The following SMYD4 variants were observed in gnomAD, a reference collection of about 807,000 sequenced individuals.
SMYD4 encodes the protein protein-lysine N-methyltransferase SMYD4.
A neutral mutation model predicts 72.8 loss-of-function variants in SMYD4; 68 were observed. The observed-to-expected ratio is 0.93, with a 90% CI of 0.77 to 1.14. The LOEUF is 1.14. Among genes scored for constraint, SMYD4 ranks in the 50% most tolerant of loss-of-function variants. SMYD4 has a pLI of 0.00. For missense variants in SMYD4, 984 were observed against 1,003.7 expected, an observed-to-expected ratio of 0.98 and a Z score of 0.27; for synonymous variants, 407 against 388.6, an observed-to-expected ratio of 1.05 and a Z score of -0.56.
At chr17:1,815,657 T>TA (rs75794837) in intron 2 of SMYD4, among the ~76,000 whole-genome samples, 7,827 of 136,674 alleles carry the variant, frequency 0.057, 300 homozygotes, top group Non-Finnish European at 0.087. Flanking sequence ...GACCCTGCCT[T>TA]AAAAAAAAAA....
intron 5 of SMYD4, among the ~76,000 whole-genome samples, chr17:1,787,858 T>C (rs773750490): frequency 5.9e-5 from 9 of 152,040 alleles, no homozygotes; most frequent in African/African-American, 1.4e-4. Context: ...CACCACGAAA[T>C]AGCCAAAGAT....
chr17:1,808,800 C>T (rs538321253), intron 3 of SMYD4, among the ~76,000 whole-genome samples: 1 of 152,136 alleles, frequency 6.6e-6, no homozygotes, highest in Non-Finnish European at 1.5e-5. Context: ...GAAAAAAGAA[C>T]TATTAAGCCA....
chr17:1,803,183 GTCC>G (rs1391300001), intron 4 of SMYD4, among the ~76,000 whole-genome samples: 1 of 152,114 alleles, frequency 6.6e-6, no homozygotes, highest in Non-Finnish European at 1.5e-5. Flanking sequence ...CACTGACAAA[GTCC>G]TCAACTTTTT....
chr17:1,784,420 T>A lies in SMYD4; in HGVS notation c.1926A>T (p.Glu642Asp). 5 of 1,614,186 alleles carry A rather than the reference T, an allele frequency of 3.1e-6. No homozygotes were observed. The highest frequency in any genetic ancestry group is 4.2e-6 in the Non-Finnish European group (5 of 1,180,038). The change falls in exon 8 of 11, where the codon GAA (glutamate) becomes GAT (aspartate). Residue 642 changes from glutamate to aspartate, a missense_variant. Glu to Asp is a conservative substitution (Grantham distance 45). Transcript: ENST00000305513. ...CCAGGTGGTCCCTGCTGACGGCGGA[T>A]TCTGCACAAGATCTGCTGCCACAGC... is the stretch of plus-strand genomic sequence containing the variant. ...VLRCGSRSCAESAVSRDHLVS... is the reference protein window; with the variant it reads ...VLRCGSRSCADSAVSRDHLVS...
rs1425070705 is a variant in SMYD4 at position 1,780,233 on chromosome 17, G to A, written c.*1053C>T. 1.3e-5 allele frequency: 2 copies of A among 151,892 alleles called. No individual in the cohort carries two copies. Among genetic ancestry groups the A allele is most frequent in the Admixed American group, 1.3e-4 (2 of 15,242 alleles). 9.4% of individuals were successfully genotyped at this position (151,892 alleles called of 1,614,324 possible). Reference sequence around the variant, plus strand: ...CAGCAACAGAACCTGTTATTTTTTTGTTGAGACAGGGTCTTACTCTGTCAC... The same window carrying A: ...CAGCAACAGAACCTGTTATTTTTTTATTGAGACAGGGTCTTACTCTGTCAC... On this transcript the variant is annotated 3_prime_UTR_variant, in exon 11 of 11. Coordinates refer to ENST00000305513, the MANE Select transcript of SMYD4 (RefSeq NM_052928.3).
Position 1,800,426 on chromosome 17 carries a change from A to G in SMYD4, c.968T>C (p.Leu323Ser). 1 of 1,614,202 alleles carries G rather than the reference A, an allele frequency of 6.2e-7. No individual in the cohort carries two copies. Among genetic ancestry groups the G allele is most frequent in the South Asian group, 1.1e-5 (1 of 91,086 alleles). ...GTGGTAGAGCTCCCAGGCCTGCTGC[A>G]AACACTCCTGGCTGCAATACTTGGC... ...SYAKYCSQEC[L>S]QQAWELYHRT... The change falls in exon 5 of 11, where the codon TTG becomes TCG. Residue 323 changes from leucine to serine, a missense_variant. Physicochemically the swap from Leu to Ser is moderately radical, Grantham distance 145 (BLOSUM62 -2). Coordinates refer to ENST00000305513, the MANE Select transcript of SMYD4 (RefSeq NM_052928.3).
chr17:1,829,492 G>A (rs936110257), intron 1 of SMYD4: 1 of 152,246 alleles, frequency 6.6e-6, no homozygotes, highest in Non-Finnish European at 1.5e-5. Flanking sequence ...TGGAGGTGGG[G>A]TTACTGACGG....
chr17:1,796,194 G>A (rs756452280), intron 5 of SMYD4, among the ~76,000 whole-genome samples: 1 of 151,300 alleles, frequency 6.6e-6, no homozygotes, highest in African/African-American at 2.4e-5. Flanking sequence ...GTGCAGTGGC[G>A]CAACTCATGT....
At chr17:1,801,637 A>G (rs949711583) in intron 4 of SMYD4, among the ~76,000 whole-genome samples, 27 of 151,140 alleles carry the variant, frequency 1.8e-4, no homozygotes, top group Non-Finnish European at 3.8e-4. Flanking sequence ...AAAAAAAAAA[A>G]AAAAAAAAAG....
intron 5 of SMYD4, among the ~76,000 whole-genome samples, chr17:1,794,037 G>GTATATATATATGTGTGTGTATATATA (rs540607649): frequency 4.1e-5 from 2 of 49,332 alleles, no homozygotes; most frequent in Non-Finnish European, 8.5e-5. Flanking sequence ...ATATATATAT[G>GTATATATATATGTGTGTGTATATATA]TATGTATATA....
intron 5 of SMYD4, among the ~76,000 whole-genome samples, chr17:1,799,067 C>T (rs67088690): frequency 0.72 from 109,109 of 151,262 alleles, 40,230 homozygotes; most frequent in Non-Finnish European, 0.79. Flanking sequence ...GTCAGGAGAT[C>T]GAGACCATGG....
chr17:1,805,839 AAT>A (rs10560052), intron 3 of SMYD4, among the ~76,000 whole-genome samples: 53,059 of 148,046 alleles, frequency 0.36, 10,913 homozygotes, highest in African/African-American at 0.57. Flanking sequence ...ATAAAATAAT[AAT>A]ATATATATAT....
At position 1,806,658 on chromosome 17, in the gene SMYD4, G is replaced by C. The variant is rs544776699; in HGVS notation, c.280-1943C>G. 2.6e-5 allele frequency among the ~76,000 whole-genome samples: 4 copies of C among 152,296 alleles called. No individual in the cohort carries two copies. In the South Asian group the frequency reaches 6.2e-4, roughly 24 times the overall value. On this transcript the variant is annotated intron_variant, in intron 3 of 10. Coordinates refer to ENST00000305513, the MANE Select transcript of SMYD4 (RefSeq NM_052928.3). ...AGCAAAATAAAATTGATGGCACACA[G>C]AGTTGGTCAAGAAGTGGGATGATGG...
chr17:1,827,769 T>C lies in SMYD4; in HGVS notation c.134+92A>G, dbSNP rs1911268187. 16 of 1,458,390 alleles carry C rather than the reference T, an allele frequency of 1.1e-5. No individual in the cohort carries two copies. In the South Asian group the frequency reaches 2.1e-4, roughly 19 times the overall value. 90.3% of individuals were successfully genotyped at this position (1,458,390 alleles called of 1,614,324 possible). A position where few individuals can be genotyped will look rare whatever the true frequency, so the allele number is the denominator to read the frequency against. ...TGGGAAACAAGCAAGACTCAATCTT[T>C]ATTTAAGAAAAAGACACATTACTTC... is the stretch of plus-strand genomic sequence containing the variant. On this transcript the variant is annotated intron_variant, in intron 2 of 10. Coordinates refer to ENST00000305513, the MANE Select transcript of SMYD4 (RefSeq NM_052928.3).
At chr17:1,792,452 C>T (rs1909101472) in intron 5 of SMYD4, among the ~76,000 whole-genome samples, 1 of 152,044 alleles carries the variant, frequency 6.6e-6, no homozygotes, top group African/African-American at 2.4e-5. Flanking sequence ...ATGGAGACCA[C>T]CTTGCTAACA....
intron 3 of SMYD4, among the ~76,000 whole-genome samples, chr17:1,811,246 G>A (rs967067368): frequency 6.6e-6 from 1 of 152,208 alleles, no homozygotes; most frequent in African/African-American, 2.4e-5. Flanking sequence ...AGGGCACGGA[G>A]GAAGCGAGCC....
At chr17:1,818,408 T>A (rs1440653654) in intron 2 of SMYD4, among the ~76,000 whole-genome samples, 1 of 152,212 alleles carries the variant, frequency 6.6e-6, no homozygotes, top group Non-Finnish European at 1.5e-5. Flanking sequence ...GCATCATGGA[T>A]GTTCACCTCT....
intron 2 of SMYD4, among the ~76,000 whole-genome samples, chr17:1,819,606 A>G (rs896808060): frequency 5.3e-5 from 8 of 152,140 alleles, no homozygotes; most frequent in Non-Finnish European, 1.2e-4. Context: ...AGGTTTGCGC[A>G]TCTACTGATA....
At chr17:1,818,590 C>T (rs934646591) in intron 2 of SMYD4, among the ~76,000 whole-genome samples, 5 of 152,098 alleles carry the variant, frequency 3.3e-5, no homozygotes, top group East Asian at 1.9e-4. Context: ...CCAAGATCAA[C>T]GTTCTCATGT....
Sources: allele counts gnomAD v4.1 joint callset (sites outside exome capture counted in the v4.1 genomes callset), GRCh38; gene constraint gnomAD v4.1.1; transcripts MANE v1.5; gene names NCBI Gene and HGNC (gene_info 2026-07-23, HGNC 2026-07-21).